LAMA2: variants seen among roughly 807,000 people sequenced by gnomAD.
LAMA2 encodes laminin subunit alpha 2, also known as laminin subunit alpha-2.
Under a neutral mutation model 364.8 loss-of-function variants are expected in LAMA2, and 269 were observed. The ratio of observed to expected loss-of-function variants is 0.74; its 90% confidence interval spans 0.67 to 0.82. The LOEUF (loss-of-function observed/expected upper bound fraction) is 0.82, where lower values mean the gene tolerates loss of function less well. Among genes scored for constraint, LAMA2 ranks in the 40% least tolerant of loss-of-function variants. LAMA2 has a pLI of 0.00. For missense variants in LAMA2, 3,807 were observed against 3,873.2 expected, an observed-to-expected ratio of 0.98 and a Z score of 0.45; for synonymous variants, 1,379 against 1,370.6, an observed-to-expected ratio of 1.01 and a Z score of -0.14.
At chr6:129,329,277 T>C (rs980023951) in intron 29 of LAMA2, among the ~76,000 whole-genome samples, 6 of 152,070 alleles carry the variant, frequency 3.9e-5, no homozygotes, top group African/African-American at 7.2e-5. Context: ...CCCTCAGTGT[T>C]CTCTTCATCA....
intron 15 of LAMA2, 138 bp from the exon 16 acceptor site, chr6:129,266,968 T>A: frequency 1.3e-6 from 1 of 743,792 alleles, no homozygotes; most frequent in Non-Finnish European, 2.5e-6. Context: ...AATGTTTCAA[T>A]AATGGCAATG....
At chr6:129,065,074 A>T (rs1031127928) in intron 3 of LAMA2, among the ~76,000 whole-genome samples, 1 of 152,204 alleles carries the variant, frequency 6.6e-6, no homozygotes. Context: ...ATCAAGTGGG[A>T]TCACTACCAG....
chr6:129,231,365 CATAT>C (rs1165289953), intron 12 of LAMA2, among the ~76,000 whole-genome samples: 4 of 152,004 alleles, frequency 2.6e-5, no homozygotes, highest in African/African-American at 4.8e-5. Context: ...AGCATTCATG[CATAT>C]ATTTGGAATG....
chr6:129,325,730 A>G lies in LAMA2; in HGVS notation c.4177-2548A>G, dbSNP rs576779157. Among the ~76,000 whole-genome samples, 6 of 152,300 alleles carry G rather than the reference A, an allele frequency of 3.9e-5. No homozygotes were observed. In the South Asian group the frequency reaches 1.2e-3, roughly 32 times the overall value. On this transcript the variant is annotated intron_variant, in intron 28 of 64. Transcript: ENST00000421865. ...AACCTACTCATTTGTGGGATGAGGA[A>G]ACTGGGTCTCAAAGTAACTTGCCCA...
rs376555724 is a variant in LAMA2 at position 129,502,807 on chromosome 6, T to C, written c.8357+36T>C. On this transcript the variant is annotated intron_variant, in intron 59 of 64. Transcript: ENST00000421865. ...TCCTGAGACACTGGGAAAGAACCGATAAATGAAGAACTGAGTATTTGTGTT... is the reference window on the plus strand; with the variant it reads ...TCCTGAGACACTGGGAAAGAACCGACAAATGAAGAACTGAGTATTTGTGTT... 1.3e-5 allele frequency: 17 copies of C among 1,311,350 alleles called. No homozygotes were observed. In the African/African-American group the frequency reaches 2.3e-4, roughly 18 times the overall value. The allele number at this position is 1,311,350 out of a possible 1,614,324, so 81.2% of individuals were successfully genotyped here. A position where few individuals can be genotyped will look rare whatever the true frequency, so the allele number is the denominator to read the frequency against.
In LAMA2 at chr6:129,454,480, G is replaced by A. The variant is rs1782855150; in HGVS notation, c.6707+192G>A. Among the ~76,000 whole-genome samples the A allele has an allele frequency of 2.0e-5, 3 of 152,098 alleles. No homozygotes were observed. In the South Asian group the frequency reaches 6.2e-4, roughly 32 times the overall value. ...TTCTTAGGAACTGACAAACCTTCCA[G>A]GTATTGACCAGAGGAACAACTCCAT... On this transcript the variant is annotated intron_variant, in intron 47 of 64. Coordinates refer to ENST00000421865, the MANE Select transcript of LAMA2 (RefSeq NM_000426.4).
chr6:129,431,474 GA>G (rs146194956), intron 41 of LAMA2, among the ~76,000 whole-genome samples: 1,631 of 151,442 alleles, frequency 0.011, 16 homozygotes, highest in South Asian at 0.018. Flanking sequence ...ATTCCCTGGA[GA>G]TCTATGACAG....
intron 1 of LAMA2, among the ~76,000 whole-genome samples, chr6:128,957,976 C>G (rs1781259460): frequency 1.3e-5 from 2 of 150,512 alleles, no homozygotes; most frequent in South Asian, 4.2e-4. Context: ...TTAGCCCATA[C>G]AGGGAATAAT....
chr6:129,224,862 A>C (rs1031886726), intron 12 of LAMA2, among the ~76,000 whole-genome samples: 1 of 152,214 alleles, frequency 6.6e-6, no homozygotes, highest in African/African-American at 2.4e-5. Flanking sequence ...TGAGTTAGAG[A>C]GGATTCCCTC....
intron 12 of LAMA2, among the ~76,000 whole-genome samples, chr6:129,222,831 G>C (rs1450977741): frequency 6.6e-6 from 1 of 152,126 alleles, no homozygotes; most frequent in African/African-American, 2.4e-5. Flanking sequence ...ATAGCAGCAT[G>C]ATTTATAATC....
chr6:129,223,756 T>C (rs1398867961), intron 12 of LAMA2, among the ~76,000 whole-genome samples: 1 of 152,216 alleles, frequency 6.6e-6, no homozygotes, highest in East Asian at 1.9e-4. Context: ...CCTTGTAGTA[T>C]AGTTTGAAGT....
intron 14 of LAMA2, among the ~76,000 whole-genome samples, chr6:129,259,646 G>T (rs1052276910): frequency 6.6e-6 from 1 of 152,082 alleles, no homozygotes; most frequent in South Asian, 2.1e-4. Flanking sequence ...ATGAAAATAG[G>T]TTAATAAAAT....
chr6:128,922,383 T>C (rs988440719), intron 1 of LAMA2, among the ~76,000 whole-genome samples: 2 of 151,758 alleles, frequency 1.3e-5, no homozygotes, highest in Non-Finnish European at 2.9e-5. Context: ...TTTCCTGACT[T>C]TTTAATGATT....
chr6:129,247,908 G>A (rs904909111), intron 12 of LAMA2, among the ~76,000 whole-genome samples: 3 of 152,026 alleles, frequency 2.0e-5, no homozygotes, highest in East Asian at 1.9e-4. Flanking sequence ...ATTTTTCTGC[G>A]TATTTATTTG....
At chr6:129,197,907 A>C (rs1781943592) in intron 12 of LAMA2, among the ~76,000 whole-genome samples, 1 of 152,146 alleles carries the variant, frequency 6.6e-6, no homozygotes, top group African/African-American at 2.4e-5. Context: ...TTCCTAATTA[A>C]ATTTATAAAG....
rs577936545 is a variant in LAMA2 at position 129,267,130 on chromosome 6, G to A, written c.2233G>A (p.Val745Ile). The A allele has an allele frequency of 8.1e-6, 13 of 1,612,994 alleles. No individual in the cohort carries two copies. The African/African-American group carries it at 1.5e-4, about 18-fold the overall frequency. ...GTCTTGTTGGCCTAGGCACAGGCGA[G>A]TTAACGGCACTATTTTTGGTGGCAT... The part of the protein sequence containing the change: ...CESCWPRHRR[V>I]NGTIFGGICE... The change falls in exon 16 of 65, where the codon GTT becomes ATT. Residue 745 changes from valine (V) to isoleucine (I), a missense_variant. By Grantham distance (29) the Val-to-Ile change is conservative. Transcript: ENST00000421865.
intron 1 of LAMA2, among the ~76,000 whole-genome samples, chr6:128,923,653 A>T (rs1778894084): frequency 6.6e-6 from 1 of 152,174 alleles, no homozygotes; most frequent in Non-Finnish European, 1.5e-5. Flanking sequence ...CACTGTTCTC[A>T]ATATCACTGC....
intron 32 of LAMA2, among the ~76,000 whole-genome samples, chr6:129,353,873 C>T (rs934358645): frequency 6.6e-6 from 1 of 152,146 alleles, no homozygotes; most frequent in African/African-American, 2.4e-5. Context: ...ACAATGAAGT[C>T]AAGTATTTTT....
rs2114839599 is a variant in LAMA2, at chr6:129,481,373, C to A, written c.7683C>A (p.Gly2561=). The A allele has an allele frequency of 6.2e-7, 1 of 1,613,586 alleles. No individual in the cohort carries two copies. The stretch of plus-strand genomic sequence containing the variant: ...CATTCAGCACCAAGAATGAGTCCGG[C>A]ATCATTCTTTTGGGAAGTGGAGGGA... ...NLSFSTKNES[G]IILLGSGGTP... The change falls in exon 55 of 65, where the codon GGC becomes GGA. Residue 2561 remains glycine (G), a synonymous_variant. Coordinates refer to ENST00000421865, the MANE Select transcript of LAMA2 (RefSeq NM_000426.4).
Sources: gnomAD v4.1 joint callset for allele counts (sites outside exome capture counted in the v4.1 genomes callset) on GRCh38, gnomAD v4.1.1 for gene constraint, MANE v1.5 for transcripts, NCBI Gene and HGNC (gene_info 2026-07-23, HGNC 2026-07-21) for gene names.